The following ENG variants were observed in gnomAD, a reference collection of about 807,000 sequenced individuals.
ENG encodes CD105 antigen.
Under a neutral mutation model 71.0 loss-of-function variants are expected in ENG, and 17 were observed. The ratio of observed to expected loss-of-function variants is 0.24; its 90% CI spans 0.16 to 0.36. The LOEUF is 0.36. Ranked by LOEUF, ENG falls within the 10% of genes least tolerant of loss-of-function variation. The pLI, the probability that ENG is intolerant of heterozygous loss-of-function variation, is 1.00. For synonymous variants in ENG, 360 were observed against 366.9 expected (o/e 0.98, Z 0.21); for missense variants, 749 against 868.3 (o/e 0.86, Z 1.73).
intron 2 of ENG, among the ~76,000 whole-genome samples, chr9:127,840,545 A>T (rs1168563432): frequency 3.3e-5 from 5 of 152,238 alleles, no homozygotes; most frequent in African/African-American, 1.2e-4. Context: ...AAACAGAGTG[A>T]TTTGGTGTAA....
Position 127,825,344 on chromosome 9 carries a change from T to C in ENG, c.703A>G (p.Thr235Ala). 6.2e-7 allele frequency: 1 copy of C among 1,607,968 alleles called. No individual in the cohort carries two copies. Among genetic ancestry groups the C allele is most frequent in the Non-Finnish European group, 8.5e-7 (1 of 1,179,190 alleles). ...PGHSAGPRTV[T>A]VKVELSCAPG... ...GCGCAGCTCAGTTCCACCTTCACCG[T>C]CACCGTCCGGGGCCTGCGGGGAGAC... The change falls in exon 6 of 15, where the codon ACG becomes GCG. Residue 235 changes from threonine to alanine, a missense_variant. By Grantham distance (58) the Thr-to-Ala change is moderately conservative. Transcript: ENST00000373203.
At chr9:127,825,956 G>A in intron 4 of ENG, 96 bp from the exon 5 acceptor site, 1 of 1,480,400 alleles carries the variant, frequency 6.8e-7, no homozygotes, top group Admixed American at 2.0e-5. Flanking sequence ...GGTGGGGCAG[G>A]CAGGACGGTG....
intron 4 of ENG, 111 bp from the exon 5 acceptor site, chr9:127,825,971 A>C (rs1317905751): frequency 7.2e-7 from 1 of 1,390,914 alleles, no homozygotes; most frequent in Non-Finnish European, 9.9e-7. Flanking sequence ...ACGGTGCTGC[A>C]GAGGGGGAGA....
chr9:127,852,064 C>T (rs1295864699), intron 1 of ENG, among the ~76,000 whole-genome samples: 1 of 152,212 alleles, frequency 6.6e-6, no homozygotes, highest in African/African-American at 2.4e-5. Flanking sequence ...CCCTGACATC[C>T]GTCCATGGCA....
chr9:127,816,106 T>C, intron 13 of ENG, 53 bp from the exon 14 acceptor site: 1 of 1,578,794 alleles, frequency 6.3e-7, no homozygotes, highest in South Asian at 1.1e-5. Context: ...CCCCATCCCC[T>C]ACCCTGTTGT....
chr9:127,846,199 G>A lies in ENG; in HGVS notation c.68-2954C>T, dbSNP rs148377349. ...AAATCAAGGGCTGGTGCCATCTCCT[G>A]TCTCCAGTCCCTCTGACCCACCAGC... On this transcript the variant is annotated intron_variant, in intron 1 of 14. Coordinates refer to ENST00000373203, the MANE Select transcript of ENG (RefSeq NM_001114753.3). This position sits in a 1 kb window ranked among gnomAD's most constrained non-coding sequence, Gnocchi z 5.5. Among the ~76,000 whole-genome samples, 11 of 152,234 alleles carry A rather than the reference G, an allele frequency of 7.2e-5. No individual in the cohort carries two copies. Among genetic ancestry groups the A allele is most frequent in the South Asian group, 2.1e-4 (1 of 4,822 alleles).
At chr9:127,817,877 G>A (rs1830367338) in intron 12 of ENG, 2 of 604,260 alleles carry the variant, frequency 3.3e-6, no homozygotes, top group African/African-American at 1.9e-5. Context: ...AGGATGGATG[G>A]ATGGATAGAT....
In ENG at chr9:127,815,778, C is replaced by T. The variant is rs780940714; in HGVS notation, c.1881G>A (p.Val627=). The stretch of plus-strand genomic sequence containing the variant: ...CCGAGGAGGCCGGGGCAGCCACCGC[C>T]ACCACGGGCTCCCGCTTGCTGGGGG... ...TRSPSKREPV[V]AVAAPASSES... is the part of the protein sequence containing the mutation. The change falls in exon 15 of 15, where the codon GTG becomes GTA. Residue 627 remains valine (V), a synonymous_variant. Coordinates refer to ENST00000373203, the MANE Select transcript of ENG (RefSeq NM_001114753.3). 6.5e-7 allele frequency: 1 copy of T among 1,545,646 alleles called. No individual in the cohort carries two copies. Among genetic ancestry groups the T allele is most frequent in the Admixed American group, 2.0e-5 (1 of 51,054 alleles).
At chr9:127,848,360 G>T (rs1008397756) in intron 1 of ENG, among the ~76,000 whole-genome samples, 1 of 151,808 alleles carries the variant, frequency 6.6e-6, no homozygotes, top group South Asian at 2.1e-4. Flanking sequence ...TGCAATCATA[G>T]CTCACTGCAA....
intron 3 of ENG, chr9:127,827,121 G>T (rs765140507): frequency 8.4e-5 from 14 of 166,844 alleles, no homozygotes; most frequent in Non-Finnish European, 1.7e-4. Context: ...TGGGCCCTGG[G>T]CCCATCACAG....
intron 11 of ENG, 23 bp downstream of exon 11, chr9:127,818,692 AG>A: frequency 6.2e-7 from 1 of 1,610,800 alleles, no homozygotes; most frequent in Admixed American, 1.7e-5. Context: ...GGGAGGCCCG[AG>A]GGGTGACAGG....
At chr9:127,825,881 C>T in intron 4 of ENG, 21 bp from the exon 5 acceptor site, 1 of 1,571,058 alleles carries the variant, frequency 6.4e-7, no homozygotes, top group South Asian at 1.2e-5. Flanking sequence ...ACGCGCACCT[C>T]AGTCCCTTCC....
chr9:127,847,797 C>A lies in ENG; in HGVS notation c.68-4552G>T, dbSNP rs548919631. Among the ~76,000 whole-genome samples, 340 of 152,256 alleles carry A rather than the reference C, an allele frequency of 2.2e-3. 2 individuals are homozygous for A. Among genetic ancestry groups the A allele is most frequent in the South Asian group, 6.4e-3 (31 of 4,814 alleles). On this transcript the variant is annotated intron_variant, in intron 1 of 14. Transcript: ENST00000373203. ...CCCCCGGGCCACTCTTTACCCTTTTCAGGCCCAATTACAGCCTCACAGGTT... is the reference window on the plus strand; with the variant it reads ...CCCCCGGGCCACTCTTTACCCTTTTAAGGCCCAATTACAGCCTCACAGGTT...
In ENG at chr9:127,846,526, C is replaced by T. The variant is rs758679298; in HGVS notation, c.68-3281G>A. On this transcript the variant is annotated intron_variant, in intron 1 of 14. Coordinates refer to ENST00000373203, the MANE Select transcript of ENG (RefSeq NM_001114753.3). This position sits in a 1 kb window ranked among gnomAD's most constrained non-coding sequence, Gnocchi z 5.5. Reference sequence around the variant, plus strand: ...CCGGATTGCTGGGGCCGCCTGGGGCCGCCTCCTCCATGCCGTCAGCCAGCG... The same window carrying T: ...CCGGATTGCTGGGGCCGCCTGGGGCTGCCTCCTCCATGCCGTCAGCCAGCG... 5.9e-5 allele frequency among the ~76,000 whole-genome samples: 9 copies of T among 152,190 alleles called. No homozygotes were observed. The South Asian group carries it at 8.3e-4, about 14-fold the overall frequency.
Position 127,815,302 on chromosome 9 carries a change from T to G in ENG, c.*380A>C. 4.6e-6 allele frequency: 1 copy of G among 216,068 alleles called. No homozygotes were observed. The highest frequency in any genetic ancestry group is 9.2e-6 in the Non-Finnish European group (1 of 108,228). 13.4% of individuals were successfully genotyped at this position (216,068 alleles called of 1,614,324 possible). A position where few individuals can be genotyped will look rare whatever the true frequency, so the allele number is the denominator to read the frequency against. On this transcript the variant is annotated 3_prime_UTR_variant, in exon 15 of 15. Coordinates refer to ENST00000373203, the MANE Select transcript of ENG (RefSeq NM_001114753.3). ...CCCTCTTCTCTTCCCAGCGGGGAGGTGCTGTTGGCCTGGCTGGGCTGGCCT... is the reference window on the plus strand; with the variant it reads ...CCCTCTTCTCTTCCCAGCGGGGAGGGGCTGTTGGCCTGGCTGGGCTGGCCT...
chr9:127,854,438 G>A lies in ENG; in HGVS notation c.-83C>T. 1.4e-6 allele frequency: 2 copies of A among 1,453,218 alleles called. No homozygotes were observed. The highest frequency in any genetic ancestry group is 2.0e-5 in the Admixed American group (1 of 48,834). The allele number at this position is 1,453,218 out of a possible 1,614,324, so 90.0% of individuals were successfully genotyped here. A position where few individuals can be genotyped will look rare whatever the true frequency, so the allele number is the denominator to read the frequency against. Reference sequence around the variant, plus strand: ...CGGGCGGGCACCGGGGCCGGCGTGGGCTCGCACGGGGACCCGAGGGGAGCA... The same window carrying A: ...CGGGCGGGCACCGGGGCCGGCGTGGACTCGCACGGGGACCCGAGGGGAGCA... On this transcript the variant is annotated 5_prime_UTR_variant, in exon 1 of 15. Transcript: ENST00000373203.
rs1037023148 is a variant in ENG at position 127,836,843 on chromosome 9, A to C, written c.219+6251T>G. Reference sequence around the variant, plus strand: ...TGCTCTGTCACTCAGGCTGGAGTACAGTGGCACGATCTCGGCTCACTGCAA... The same window carrying C: ...TGCTCTGTCACTCAGGCTGGAGTACCGTGGCACGATCTCGGCTCACTGCAA... On this transcript the variant is annotated intron_variant, in intron 2 of 14. Transcript: ENST00000373203. This position sits in a 1 kb window ranked among gnomAD's most constrained non-coding sequence, Gnocchi z 4.0. 6.6e-6 allele frequency among the ~76,000 whole-genome samples: 1 copy of C among 152,162 alleles called. No homozygotes were observed. Among genetic ancestry groups the C allele is most frequent in the Non-Finnish European group, 1.5e-5 (1 of 68,022 alleles).
chr9:127,840,460 G>A (rs1276204490), intron 2 of ENG, among the ~76,000 whole-genome samples: 2 of 152,220 alleles, frequency 1.3e-5, no homozygotes, highest in Non-Finnish European at 2.9e-5. Context: ...GCTGGGCATG[G>A]TGGCAGACGC....
At chr9:127,829,545 C>A in intron 3 of ENG, 142 bp downstream of exon 3, 1 of 1,159,206 alleles carries the variant, frequency 8.6e-7, no homozygotes, top group Non-Finnish European at 1.2e-6. Flanking sequence ...CTTCACCAGG[C>A]AGGACCCTGG....
Sources: allele counts gnomAD v4.1 joint callset (sites outside exome capture counted in the v4.1 genomes callset), GRCh38; gene constraint gnomAD v4.1.1; non-coding constraint Gnocchi (gnomAD v3.1); transcripts MANE v1.5; gene names NCBI Gene and HGNC (gene_info 2026-07-23, HGNC 2026-07-21).